The following PRPS2 variants were observed in gnomAD, a reference collection of about 807,000 sequenced individuals.
PRPS2 encodes the protein phosphoribosyl pyrophosphate synthetase 2.
For synonymous variants in PRPS2, 111 were observed against 115.3 expected (o/e 0.96, Z 0.24); for missense variants, 104 against 271.5 (o/e 0.38, Z 4.34).
intron 1 of PRPS2, 81 bp downstream of exon 1, chrX:12,791,700 C>T (rs2042519454): frequency 2.5e-5 from 21 of 831,429 alleles, no homozygotes; most frequent in Non-Finnish European, 2.2e-5. Context: ...GGCGCCTGCC[C>T]GGGCCACCTC....
intron 4 of PRPS2, among the ~76,000 whole-genome samples, chrX:12,814,067 CA>C (rs373815754): frequency 0.099 from 3,074 of 30,896 alleles, 156 homozygotes; most frequent in African/African-American, 0.23. Flanking sequence ...CCAGCCCCCC[CA>C]CCCCCGACTC....
intron 1 of PRPS2, 96 bp downstream of exon 1, chrX:12,791,715 GA>G (rs2042519551): frequency 1.3e-6 from 1 of 785,487 alleles, no homozygotes; most frequent in African/African-American, 2.3e-5. Flanking sequence ...CACCTCCGCG[GA>G]CGCCGCGCTC....
In PRPS2 at chrX:12,822,763, C is replaced by T. The variant is rs1459451995; in HGVS notation, c.924C>T (p.Ser308=). Reference sequence around the variant, plus strand: ...TCCGAAGGACACACAATGGGGAATCCGTGTCCTACCTGTTCAGCCATGTCC... The same window carrying T: ...TCCGAAGGACACACAATGGGGAATCTGTGTCCTACCTGTTCAGCCATGTCC... ...EAIRRTHNGE[S]VSYLFSHVPL Residue 308 remains serine (S), a synonymous_variant, in exon 7 of 7, where the codon TCC becomes TCT. Coordinates refer to ENST00000380668, the MANE Select transcript of PRPS2 (RefSeq NM_002765.5). 12 of 1,209,682 alleles carry T rather than the reference C, an allele frequency of 9.9e-6. No homozygotes were observed. Among genetic ancestry groups the T allele is most frequent in the East Asian group, 3.0e-5 (1 of 33,801 alleles).
intron 4 of PRPS2, among the ~76,000 whole-genome samples, chrX:12,812,283 C>T (rs751348384): frequency 8.9e-6 from 1 of 111,809 alleles, no homozygotes; most frequent in South Asian, 3.7e-4. Context: ...CAGGAGCGAG[C>T]GTCAGATGTA....
At chrX:12,814,275 C>A (rs372697504) in intron 4 of PRPS2, among the ~76,000 whole-genome samples, 2 of 111,513 alleles carry the variant, frequency 1.8e-5, no homozygotes, top group African/African-American at 6.5e-5. Context: ...TTGAGACCTC[C>A]TTTCAAGCAG....
chrX:12,811,383 C>A (rs755956809), intron 4 of PRPS2, among the ~76,000 whole-genome samples: 118 of 111,535 alleles, frequency 1.1e-3, no homozygotes, highest in Non-Finnish European at 1.9e-3. Flanking sequence ...ATACTCGAGG[C>A]GTTAACAAGC....
intron 2 of PRPS2, among the ~76,000 whole-genome samples, chrX:12,803,834 G>C (rs1182917728): frequency 8.9e-6 from 1 of 112,005 alleles, no homozygotes; most frequent in Non-Finnish European, 1.9e-5. Flanking sequence ...AGGACACTTT[G>C]AGCTTTGAGA....
At position 12,791,447 on chromosome X, in the gene PRPS2, C is replaced by A; in HGVS notation, c.-51C>A. 1 of 1,176,603 alleles carries A rather than the reference C, an allele frequency of 8.5e-7. No homozygotes were observed. Among genetic ancestry groups the A allele is most frequent in the Non-Finnish European group, 1.1e-6 (1 of 877,184 alleles). On this transcript the variant is annotated 5_prime_UTR_variant, in exon 1 of 7. Transcript: ENST00000380668. ...CCTCCCGCGTCGCTGTCGCTGTTGC[C>A]TCCGCCACCTCCTCCGCCGCCGCGC...
At chrX:12,809,101 A>G (rs945171945) in intron 2 of PRPS2, 133 bp from the exon 3 acceptor site, 1 of 539,503 alleles carries the variant, frequency 1.9e-6, no homozygotes, top group Admixed American at 3.7e-5. Flanking sequence ...TTTTGCTGTC[A>G]CAACATGTAT....
chrX:12,817,216 G>A (rs2042651600), intron 4 of PRPS2, among the ~76,000 whole-genome samples: 2 of 110,742 alleles, frequency 1.8e-5, no homozygotes, highest in South Asian at 7.6e-4. Context: ...GTGGTTTGGT[G>A]TCCCTGAATA....
intron 2 of PRPS2, among the ~76,000 whole-genome samples, chrX:12,802,923 C>A (rs2042577260): frequency 9.0e-6 from 1 of 111,706 alleles, no homozygotes; most frequent in Non-Finnish European, 1.9e-5. Flanking sequence ...CGGTTGGTAA[C>A]ATTTGAGAGA....
At chrX:12,807,078 G>T (rs908774330) in intron 2 of PRPS2, among the ~76,000 whole-genome samples, 8 of 85,403 alleles carry the variant, frequency 9.4e-5, no homozygotes, top group African/African-American at 3.2e-4. Flanking sequence ...AATATTCTTT[G>T]AACGTGTGTC....
intron 2 of PRPS2, among the ~76,000 whole-genome samples, chrX:12,804,290 C>T (rs185895880): frequency 6.4e-4 from 70 of 108,817 alleles, no homozygotes; most frequent in East Asian, 6.1e-3. Context: ...TATAGGTTTG[C>T]GCCACCACAC....
intron 1 of PRPS2, among the ~76,000 whole-genome samples, chrX:12,794,230 G>T (rs1440594192): frequency 8.9e-6 from 1 of 112,170 alleles, no homozygotes; most frequent in African/African-American, 3.2e-5. Flanking sequence ...GGGCTGGAGG[G>T]TTCTTGAAGA....
At chrX:12,809,970 GAA>G (rs2042615195) in intron 3 of PRPS2, 50 bp from the exon 4 acceptor site, 2 of 869,514 alleles carry the variant, frequency 2.3e-6, no homozygotes, top group African/African-American at 3.8e-5. Context: ...AAAAACAAAA[GAA>G]AACAAAACAA....
intron 2 of PRPS2, among the ~76,000 whole-genome samples, chrX:12,801,889 A>G (rs1338683182): frequency 8.9e-6 from 1 of 112,680 alleles, no homozygotes; most frequent in Non-Finnish European, 1.9e-5. Context: ...GATTACAGGC[A>G]TGAGCTACCG....
At position 12,821,254 on chromosome X, in the gene PRPS2, C is replaced by T. The variant is rs535443124; in HGVS notation, c.864+451C>T. On this transcript the variant is annotated intron_variant, in intron 6 of 6. Coordinates refer to ENST00000380668, the MANE Select transcript of PRPS2 (RefSeq NM_002765.5). ...ATGGCCAAAGTGTGCTCTGTCGCTA[C>T]GATGGAATACTATTCAGCCTTTAAA... 2.3e-4 allele frequency among the ~76,000 whole-genome samples: 26 copies of T among 111,912 alleles called. 1 individual carries two copies. In the South Asian group the frequency reaches 8.1e-3, roughly 35 times the overall value.
At chrX:12,793,902 C>T (rs369181090) in intron 1 of PRPS2, among the ~76,000 whole-genome samples, 3 of 111,883 alleles carry the variant, frequency 2.7e-5, no homozygotes, top group East Asian at 2.8e-4. Flanking sequence ...GGGAGAGGTC[C>T]GCTCCAGCTT....
At chrX:12,791,839 C>G (rs778102194) in intron 1 of PRPS2, among the ~76,000 whole-genome samples, 1 of 112,148 alleles carries the variant, frequency 8.9e-6, no homozygotes, top group Non-Finnish European at 1.9e-5. Flanking sequence ...GCTGTGCCCC[C>G]GGTTGCAGGG....
Sources: allele counts gnomAD v4.1 joint callset (sites outside exome capture counted in the v4.1 genomes callset), GRCh38; gene constraint gnomAD v4.1.1; transcripts MANE v1.5; gene names NCBI Gene and HGNC (gene_info 2026-07-23, HGNC 2026-07-21).